The following HECW2 variants were observed in gnomAD, a reference collection of about 807,000 sequenced individuals.
HECW2 encodes the protein HECT, C2 and WW domain containing E3 ubiquitin protein ligase 2.
A neutral mutation model predicts 175.2 loss-of-function variants in HECW2; 61 were observed. That is an observed-to-expected ratio of 0.35 (90% CI 0.28 to 0.43). HECW2 has a LOEUF of 0.43. Ranked by LOEUF, HECW2 falls within the 20% of genes least tolerant of loss-of-function variation. The pLI is 1.00. For missense variants in HECW2, 1,524 were observed against 2,000.5 expected (o/e 0.76, Z 4.54); for synonymous variants, 671 against 731.0 (o/e 0.92, Z 1.32).
intron 13 of HECW2, among the ~76,000 whole-genome samples, chr2:196,299,329 T>TAAAAAA (rs11368645): frequency 3.5e-5 from 5 of 144,564 alleles, no homozygotes; most frequent in Admixed American, 2.1e-4. Context: ...CAAAATAAGT[T>TAAAAAA]AAAAAAAAAA....
intron 15 of HECW2, among the ~76,000 whole-genome samples, chr2:196,278,152 A>ATATATATATATATATATATATATATAT (rs1553489733): frequency 1.6e-3 from 197 of 119,948 alleles, no homozygotes; most frequent in Middle Eastern, 4.1e-3. Context: ...ATATATATAT[A>ATATATATATATATATATATATATATAT]AAGAAATTCC....
chr2:196,457,542 A>T (rs1353967588), intron 1 of HECW2, among the ~76,000 whole-genome samples: 2 of 152,230 alleles, frequency 1.3e-5, no homozygotes, highest in African/African-American at 4.8e-5. Flanking sequence ...CTTTCCTCAA[A>T]CTGGGTCAGA....
In HECW2 at chr2:196,350,028, A is replaced by G. The variant is rs566940823; in HGVS notation, c.293-6264T>C. On this transcript the variant is annotated intron_variant, in intron 2 of 28. Transcript: ENST00000644978. The stretch of plus-strand genomic sequence containing the variant: ...TGATCCTCCAGGGCAACGAATGCCC[A>G]ACTTCATGGCTCACAATGAATGAGG... Among the ~76,000 whole-genome samples, 7 of 152,316 alleles carry G rather than the reference A, an allele frequency of 4.6e-5. No individual in the cohort carries two copies. In the South Asian group the frequency reaches 1.5e-3, roughly 32 times the overall value.
At chr2:196,549,283 T>C (rs1689529901) in intron 1 of HECW2, among the ~76,000 whole-genome samples, 1 of 152,202 alleles carries the variant, frequency 6.6e-6, no homozygotes, top group Non-Finnish European at 1.5e-5. Flanking sequence ...CTGTATGCGC[T>C]TTCCTGGTCA....
chr2:196,359,444 C>T (rs966992035), intron 2 of HECW2, among the ~76,000 whole-genome samples: 1 of 149,982 alleles, frequency 6.7e-6, no homozygotes, highest in Admixed American at 6.6e-5. Context: ...GAGACTCCAT[C>T]TTAAAACAAA....
chr2:196,201,310 T>G lies in HECW2; in HGVS notation c.4686A>C (p.Ala1562=). 7.4e-6 allele frequency: 12 copies of G among 1,613,616 alleles called. No individual in the cohort carries two copies. Among genetic ancestry groups the G allele is most frequent in the African/African-American group, 1.3e-5 (1 of 75,038 alleles). The change falls in exon 29 of 29, where the codon GCA becomes GCC. Residue 1562 remains alanine (A), a synonymous_variant. Coordinates refer to ENST00000644978, the MANE Select transcript of HECW2 (RefSeq NM_001348768.2). The stretch of plus-strand genomic sequence containing the variant: ...GTCCAAAAGTACTGGTTTCTTCAAC[T>G]GCTGTCAACAGTTTTTCATAAAGCA... ...FSMLYEKLLT[A]VEETSTFGLE
intron 2 of HECW2, among the ~76,000 whole-genome samples, chr2:196,388,347 T>C (rs1465939229): frequency 3.9e-5 from 6 of 152,148 alleles, no homozygotes; most frequent in Admixed American, 2.6e-4. Context: ...TTTCTAGAGA[T>C]TTTTGTTTTT....
intron 23 of HECW2, among the ~76,000 whole-genome samples, chr2:196,223,182 C>T (rs1181613403): frequency 6.6e-6 from 1 of 152,054 alleles, no homozygotes; most frequent in Admixed American, 6.6e-5. Flanking sequence ...AGTTGGGGAG[C>T]CAAGTACACA....
chr2:196,283,284 A>C (rs1199652298), intron 14 of HECW2, among the ~76,000 whole-genome samples: 5 of 134,420 alleles, frequency 3.7e-5, no homozygotes, highest in Admixed American at 7.6e-5. Flanking sequence ...AAAAAAAAAA[A>C]GTTGGAAGGA....
rs552709411 is a variant in HECW2 at position 196,414,440 on chromosome 2, T to C, written c.292+18692A>G. Among the ~76,000 whole-genome samples, 32 of 152,324 alleles carry C rather than the reference T, an allele frequency of 2.1e-4. No individual in the cohort carries two copies. The South Asian group carries it at 6.6e-3, about 32-fold the overall frequency. The stretch of plus-strand genomic sequence containing the variant: ...CCCTTCTAACTTCAAAGATAAAATG[T>C]GCTTAGGAGGCAGGGAAGGGCTGAT... On this transcript the variant is annotated intron_variant, in intron 2 of 28. Transcript: ENST00000644978.
intron 1 of HECW2, among the ~76,000 whole-genome samples, chr2:196,451,447 A>G (rs1281621470): frequency 2.6e-5 from 3 of 115,738 alleles, no homozygotes; most frequent in Non-Finnish European, 5.2e-5. Context: ...AAAAAAAAAA[A>G]AAGAAAAGAA....
chr2:196,297,270 T>C (rs10178902), intron 13 of HECW2, among the ~76,000 whole-genome samples: 42,554 of 152,168 alleles, frequency 0.28, 6,150 homozygotes, highest in Middle Eastern at 0.35. Flanking sequence ...CTGTTCCAAC[T>C]TCCCTCCTGG....
At chr2:196,351,190 TAA>T (rs891491822) in intron 2 of HECW2, among the ~76,000 whole-genome samples, 1 of 151,282 alleles carries the variant, frequency 6.6e-6, no homozygotes, top group East Asian at 1.9e-4. Context: ...TCTTTTTTTT[TAA>T]AAAAAATGAC....
intron 5 of HECW2, among the ~76,000 whole-genome samples, chr2:196,325,933 G>A (rs1692134482): frequency 6.6e-6 from 1 of 152,190 alleles, no homozygotes; most frequent in South Asian, 2.1e-4. Flanking sequence ...TCCATGGTCA[G>A]GCTAAGAGAC....
intron 1 of HECW2, among the ~76,000 whole-genome samples, chr2:196,504,220 C>T (rs139826811): frequency 0.017 from 2,538 of 147,006 alleles, 74 homozygotes; most frequent in African/African-American, 0.06. Flanking sequence ...CACTTGAACC[C>T]GGGAGGCAGA....
chr2:196,554,649 A>C (rs979630882), intron 1 of HECW2, among the ~76,000 whole-genome samples: 4 of 152,188 alleles, frequency 2.6e-5, no homozygotes, highest in Non-Finnish European at 5.9e-5. Context: ...CTGCTTTCTA[A>C]AATCACTGAG....
intron 2 of HECW2, among the ~76,000 whole-genome samples, chr2:196,382,396 T>C (rs965509788): frequency 1.3e-5 from 2 of 152,060 alleles, no homozygotes; most frequent in African/African-American, 4.8e-5. Context: ...ACTACTTCTT[T>C]GCATTTAGAA....
At chr2:196,494,221 G>C (rs917507228) in intron 1 of HECW2, among the ~76,000 whole-genome samples, 1 of 152,146 alleles carries the variant, frequency 6.6e-6, no homozygotes, top group Non-Finnish European at 1.5e-5. Flanking sequence ...ACAGAGAGTT[G>C]GAATCTAAAT....
At chr2:196,558,487 C>T (rs1689882333) in intron 1 of HECW2, among the ~76,000 whole-genome samples, 1 of 152,182 alleles carries the variant, frequency 6.6e-6, no homozygotes, top group Admixed American at 6.5e-5. Flanking sequence ...CTTTTTGAAA[C>T]AAAATGTTGC....
Sources: gnomAD v4.1 joint callset for allele counts (sites outside exome capture counted in the v4.1 genomes callset) on GRCh38, gnomAD v4.1.1 for gene constraint, MANE v1.5 for transcripts, NCBI Gene and HGNC (gene_info 2026-07-23, HGNC 2026-07-21) for gene names.